The following GABRG3 variants were observed in gnomAD, a reference collection of about 807,000 sequenced individuals.
The protein encoded by GABRG3 is gamma-aminobutyric acid receptor subunit gamma-3.
A neutral mutation model predicts 48.8 loss-of-function variants in GABRG3; 25 were observed. The observed-to-expected ratio is 0.51, with a 90% confidence interval of 0.37 to 0.72. The LOEUF (loss-of-function observed/expected upper bound fraction) is 0.72, where lower values mean the gene tolerates loss of function less well. Ranked by LOEUF, GABRG3 falls within the 30% of genes least tolerant of loss-of-function variation. GABRG3 has a pLI of 0.00. For missense variants in GABRG3, 394 were observed against 577.9 expected, an observed-to-expected ratio of 0.68 and a Z score of 3.26; for synonymous variants, 227 against 217.6, an observed-to-expected ratio of 1.04 and a Z score of -0.38.
In GABRG3 at chr15:27,236,896, C is replaced by T. The variant is rs1181833488; in HGVS notation, c.271-89913C>T. On this transcript the variant is annotated intron_variant, in intron 3 of 9. Coordinates refer to ENST00000615808, the MANE Select transcript of GABRG3 (RefSeq NM_033223.5). This position sits in a 1 kb window ranked among gnomAD's most constrained non-coding sequence, Gnocchi z 4.4. The stretch of plus-strand genomic sequence containing the variant: ...GAATATACGTATCCATCCCCCCACT[C>T]AGCAGACATTCCTGCTCCCTTTACC... Among the ~76,000 whole-genome samples, 2 of 152,230 alleles carry T rather than the reference C, an allele frequency of 1.3e-5. No homozygotes were observed. Among genetic ancestry groups the T allele is most frequent in the African/African-American group, 2.4e-5 (1 of 41,460 alleles).
chr15:27,310,560 T>A (rs1447652258), intron 3 of GABRG3, among the ~76,000 whole-genome samples: 1 of 152,158 alleles, frequency 6.6e-6, no homozygotes, highest in African/African-American at 2.4e-5. Flanking sequence ...TAAACTGATC[T>A]GCAGAGTCAA....
chr15:27,195,677 T>C (rs1888472677), intron 3 of GABRG3, among the ~76,000 whole-genome samples: 2 of 145,756 alleles, frequency 1.4e-5, no homozygotes, highest in Non-Finnish European at 3.0e-5. Context: ...CTCTGTTCTC[T>C]AGGCTGGAGT....
rs146780270 is a variant in GABRG3 at position 27,382,114 on chromosome 15, C to T, written c.574+53226C>T. Among the ~76,000 whole-genome samples, 194 of 152,208 alleles carry T rather than the reference C, an allele frequency of 1.3e-3. 1 individual carries two copies. Among genetic ancestry groups the T allele is most frequent in the African/African-American group, 4.1e-3 (172 of 41,538 alleles). On this transcript the variant is annotated intron_variant, in intron 5 of 9. Transcript: ENST00000615808. ...AAGATCAAGCAACAGCTAGATGATC[C>T]GTCTCTAAGCTTCTACACTCCATTC...
chr15:27,492,368 A>G (rs1221667367), intron 6 of GABRG3, among the ~76,000 whole-genome samples: 1 of 152,218 alleles, frequency 6.6e-6, no homozygotes, highest in Non-Finnish European at 1.5e-5. Flanking sequence ...TCACTTCAAA[A>G]GAATCTGAAG....
intron 5 of GABRG3, among the ~76,000 whole-genome samples, chr15:27,450,739 G>A (rs111495965): frequency 0.011 from 1,701 of 151,800 alleles, 37 homozygotes; most frequent in African/African-American, 0.04. Context: ...GGGTGGGGGG[G>A]TGGCATCCAA....
chr15:27,358,018 T>C (rs1894897423), intron 5 of GABRG3, among the ~76,000 whole-genome samples: 1 of 152,210 alleles, frequency 6.6e-6, no homozygotes, highest in Admixed American at 6.5e-5. Context: ...GACACGATAT[T>C]ACAAAAACCA....
At position 27,471,639 on chromosome 15, in the gene GABRG3, T is replaced by A. The variant is rs369955718; in HGVS notation, c.575-9011T>A. On this transcript the variant is annotated intron_variant, in intron 5 of 9. Coordinates refer to ENST00000615808, the MANE Select transcript of GABRG3 (RefSeq NM_033223.5). ...ATCTGTTTCCCTATCATAATTTTCT[T>A]GCTGTTATAATTTTTGCAAATGTGG... Among the ~76,000 whole-genome samples the A allele has an allele frequency of 1.2e-4, 19 of 152,342 alleles. No homozygotes were observed. The East Asian group carries it at 3.7e-3, about 29-fold the overall frequency.
chr15:27,166,857 A>G (rs533429817), intron 3 of GABRG3, among the ~76,000 whole-genome samples: 161 of 152,306 alleles, frequency 1.1e-3, no homozygotes, highest in Middle Eastern at 3.4e-3. Context: ...TATTTTAAAG[A>G]TGATAGGATG....
intron 3 of GABRG3, among the ~76,000 whole-genome samples, chr15:27,130,191 A>G (rs781717494): frequency 3.9e-5 from 6 of 152,220 alleles, no homozygotes; most frequent in Non-Finnish European, 8.8e-5. Context: ...TAGCTGGTAT[A>G]TGTAGGTCTT....
chr15:26,988,985 A>G (rs1455114571), intron 2 of GABRG3, among the ~76,000 whole-genome samples: 1 of 152,140 alleles, frequency 6.6e-6, no homozygotes, highest in East Asian at 1.9e-4. Context: ...TATATTCACA[A>G]TATTGTGCAG....
intron 5 of GABRG3, among the ~76,000 whole-genome samples, chr15:27,412,122 G>A (rs1887815221): frequency 6.6e-6 from 1 of 151,980 alleles, no homozygotes; most frequent in Admixed American, 6.6e-5. Context: ...AGTCATGCAA[G>A]TTTCCTAATT....
intron 6 of GABRG3, among the ~76,000 whole-genome samples, chr15:27,484,983 G>A (rs1225167902): frequency 1.3e-5 from 2 of 152,230 alleles, no homozygotes; most frequent in African/African-American, 2.4e-5. Flanking sequence ...TTATGTGGAT[G>A]TTATTCCCTC....
At position 27,537,428 on chromosome 15, in the gene GABRG3, G is replaced by C. The variant is rs1891572869; in HGVS notation, c.*4547G>C. The C allele has an allele frequency of 6.6e-6, 1 of 152,192 alleles. No homozygotes were observed. The highest frequency in any genetic ancestry group is 6.5e-5 in the Admixed American group (1 of 15,276). 9.4% of individuals were successfully genotyped at this position (152,192 alleles called of 1,614,324 possible). On this transcript the variant is annotated 3_prime_UTR_variant, in exon 10 of 10. Coordinates refer to ENST00000615808, the MANE Select transcript of GABRG3 (RefSeq NM_033223.5). ...GGCCTGGAGGAAACATTCAGGTTCAGAGAGTTTAGCAGTGCCTCTATGTTT... is the reference window on the plus strand; with the variant it reads ...GGCCTGGAGGAAACATTCAGGTTCACAGAGTTTAGCAGTGCCTCTATGTTT...
rs145139092 is a variant in GABRG3, at chr15:27,154,228, G to A, written c.270+127407G>A. 2.5e-3 allele frequency among the ~76,000 whole-genome samples: 377 copies of A among 152,282 alleles called. 2 individuals carry two copies. Among genetic ancestry groups the A allele is most frequent in the Admixed American group, 0.021 (326 of 15,296 alleles). On this transcript the variant is annotated intron_variant, in intron 3 of 9. Coordinates refer to ENST00000615808, the MANE Select transcript of GABRG3 (RefSeq NM_033223.5). ...TATGTGGCATGGTGTAGCAAGAGGGGAAATTTATATTATCTTATGATCAAA... is the reference window on the plus strand; with the variant it reads ...TATGTGGCATGGTGTAGCAAGAGGGAAAATTTATATTATCTTATGATCAAA...
intron 3 of GABRG3, among the ~76,000 whole-genome samples, chr15:27,040,988 G>A (rs1392254410): frequency 6.6e-6 from 1 of 152,100 alleles, no homozygotes; most frequent in Admixed American, 6.5e-5. Flanking sequence ...CGTGCGGGGA[G>A]AAACCTCTTC....
At chr15:27,016,366 T>A (rs1454342987) in intron 2 of GABRG3, among the ~76,000 whole-genome samples, 1 of 152,098 alleles carries the variant, frequency 6.6e-6, no homozygotes, top group African/African-American at 2.4e-5. Flanking sequence ...GGAGAGTTTT[T>A]ACCATATGTA....
intron 3 of GABRG3, among the ~76,000 whole-genome samples, chr15:27,156,578 T>C (rs1426009295): frequency 6.6e-6 from 1 of 152,184 alleles, no homozygotes. Flanking sequence ...ATGATTGTTT[T>C]ACATGTAATA....
chr15:27,082,926 T>C (rs1319484610), intron 3 of GABRG3, among the ~76,000 whole-genome samples: 1 of 152,178 alleles, frequency 6.6e-6, no homozygotes, highest in African/African-American at 2.4e-5. Flanking sequence ...CCGAACTCCC[T>C]GCATCTTGGC....
chr15:27,256,038 T>C (rs1890600448), intron 3 of GABRG3, among the ~76,000 whole-genome samples: 1 of 152,146 alleles, frequency 6.6e-6, no homozygotes. Flanking sequence ...GATTGAGTTA[T>C]GGATTTTGGG....
Sources: allele counts gnomAD v4.1 joint callset (sites outside exome capture counted in the v4.1 genomes callset), GRCh38; gene constraint gnomAD v4.1.1; non-coding constraint Gnocchi (gnomAD v3.1); transcripts MANE v1.5; gene names NCBI Gene and HGNC (gene_info 2026-07-23, HGNC 2026-07-21).